The following CTNND2 variants were observed in gnomAD, a reference collection of about 807,000 sequenced individuals.
CTNND2 encodes catenin delta-2.
CTNND2 carries 22 observed loss-of-function variants against 144.4 expected under a neutral mutation model. The ratio of observed to expected loss-of-function variants is 0.15; its 90% CI spans 0.11 to 0.22. The LOEUF (loss-of-function observed/expected upper bound fraction) is 0.22. Ranked by LOEUF, CTNND2 falls within the 10% of genes least tolerant of loss-of-function variation. The pLI is 1.00. For synonymous variants in CTNND2, 751 were observed against 695.6 expected (o/e 1.08, Z -1.25); for missense variants, 1,353 against 1,618.8 (o/e 0.84, Z 2.82).
At chr5:11,050,677 G>T (rs1213386258) in intron 16 of CTNND2, among the ~76,000 whole-genome samples, 1 of 152,170 alleles carries the variant, frequency 6.6e-6, no homozygotes, top group Non-Finnish European at 1.5e-5. Flanking sequence ...CCTGTAATAA[G>T]CAACTCAGGA....
chr5:11,469,084 G>C (rs1301009716), intron 3 of CTNND2, among the ~76,000 whole-genome samples: 1 of 152,152 alleles, frequency 6.6e-6, no homozygotes, highest in Non-Finnish European at 1.5e-5. Context: ...TTGCTCTGCT[G>C]ATCTCAAACA....
rs371017817 is a variant in CTNND2 at position 11,407,105 on chromosome 5, T to C, written c.439+4431A>G. 2.4e-4 allele frequency among the ~76,000 whole-genome samples: 37 copies of C among 152,340 alleles called. 3 individuals are homozygous for C. Among genetic ancestry groups the C allele is most frequent in the Admixed American group, 1.6e-3 (24 of 15,304 alleles). On this transcript the variant is annotated intron_variant, in intron 5 of 21. Coordinates refer to ENST00000304623, the MANE Select transcript of CTNND2 (RefSeq NM_001332.4). Reference sequence around the variant, plus strand: ...AATCACCTTTATTTCTGAGTTTGTATATAAAAGGATGCATAGATTAAAGAA... The same window carrying C: ...AATCACCTTTATTTCTGAGTTTGTACATAAAAGGATGCATAGATTAAAGAA...
At chr5:11,646,707 A>G (rs184522195) in intron 2 of CTNND2, among the ~76,000 whole-genome samples, 10 of 152,328 alleles carry the variant, frequency 6.6e-5, no homozygotes, top group Admixed American at 1.3e-4. Context: ...CCTATCTGCT[A>G]AGGCAGAAGC....
At chr5:11,250,580 G>T (rs1377747150) in intron 9 of CTNND2, among the ~76,000 whole-genome samples, 1 of 147,082 alleles carries the variant, frequency 6.8e-6, no homozygotes, top group Admixed American at 6.9e-5. Context: ...TGTGGTGGTG[G>T]ATCGTAGCTC....
intron 16 of CTNND2, among the ~76,000 whole-genome samples, chr5:11,034,906 T>C (rs1163215362): frequency 6.6e-6 from 1 of 152,082 alleles, no homozygotes; most frequent in African/African-American, 2.4e-5. Flanking sequence ...AGTTTTAGGG[T>C]ACATGTGCAC....
At chr5:11,584,118 G>A (rs527504785) in intron 2 of CTNND2, among the ~76,000 whole-genome samples, 95 of 152,288 alleles carry the variant, frequency 6.2e-4, no homozygotes, top group Admixed American at 1.4e-3. Context: ...CATTAATGCT[G>A]ATGAAAATTA....
At chr5:11,484,840 G>A (rs549271816) in intron 3 of CTNND2, among the ~76,000 whole-genome samples, 7 of 152,292 alleles carry the variant, frequency 4.6e-5, no homozygotes, top group Admixed American at 1.3e-4. Flanking sequence ...TTGTGCTGGA[G>A]GAATGCTCAT....
intron 2 of CTNND2, among the ~76,000 whole-genome samples, chr5:11,729,182 T>C (rs1397060333): frequency 7.2e-6 from 1 of 138,526 alleles, no homozygotes; most frequent in East Asian, 2.2e-4. Flanking sequence ...AAATTACTTA[T>C]GTGCCACCAA....
intron 1 of CTNND2, among the ~76,000 whole-genome samples, chr5:11,766,298 A>G (rs1012744014): frequency 6.6e-6 from 1 of 152,150 alleles, no homozygotes; most frequent in Non-Finnish European, 1.5e-5. Flanking sequence ...TTGATGTTCA[A>G]ATGGGTGGTG....
chr5:11,653,755 GTT>G (rs1418439878), intron 2 of CTNND2, among the ~76,000 whole-genome samples: 1 of 143,576 alleles, frequency 7.0e-6, no homozygotes. Flanking sequence ...GGCTTGTTTG[GTT>G]TTTTTTTTTC....
intron 6 of CTNND2, among the ~76,000 whole-genome samples, chr5:11,396,795 C>T (rs935705130): frequency 4.6e-5 from 7 of 152,100 alleles, no homozygotes; most frequent in Non-Finnish European, 8.8e-5. Flanking sequence ...ACAGGTATAG[C>T]GTGAACAATA....
Position 11,732,213 on chromosome 5 carries a change from G to T in CTNND2, c.97C>A (p.Pro33Thr), listed in dbSNP as rs893818324. 1 of 1,613,828 alleles carries T rather than the reference G, an allele frequency of 6.2e-7. No individual in the cohort carries two copies. Among genetic ancestry groups the T allele is most frequent in the Non-Finnish European group, 8.5e-7 (1 of 1,179,890 alleles). The change falls in exon 2 of 22, where the codon CCC (proline) becomes ACC (threonine). Residue 33 changes from proline (P) to threonine (T), a missense_variant. Physicochemically the swap from Pro to Thr is conservative, Grantham distance 38 (BLOSUM62 -1). This residue lies in a region of CTNND2 where 708 missense variants were observed against 706.4 expected (regional missense o/e 1.00). Coordinates refer to ENST00000304623, the MANE Select transcript of CTNND2 (RefSeq NM_001332.4). ...SASEKTSSLS[P>T]GLNTSNGDGS... ...TCCCCGTTGGAGGTGTTTAAGCCGG[G>T]GCTCAGGGAACTCGTCTTCTCTGAG... is the stretch of plus-strand genomic sequence containing the variant.
chr5:11,055,701 T>C (rs1333824647), intron 16 of CTNND2, among the ~76,000 whole-genome samples: 6 of 152,204 alleles, frequency 3.9e-5, no homozygotes, highest in African/African-American at 4.8e-5. Flanking sequence ...TGCTGGGGCA[T>C]GTGCTATCTA....
At chr5:11,513,941 C>G (rs1298338245) in intron 3 of CTNND2, among the ~76,000 whole-genome samples, 1 of 152,066 alleles carries the variant, frequency 6.6e-6, no homozygotes, top group African/African-American at 2.4e-5. Flanking sequence ...AATTCCATTT[C>G]TATATATTTA....
intron 3 of CTNND2, among the ~76,000 whole-genome samples, chr5:11,494,486 GAAATA>G (rs1269163011): frequency 2.0e-5 from 3 of 152,028 alleles, no homozygotes; most frequent in African/African-American, 7.2e-5. Flanking sequence ...AAAAAAATTT[GAAATA>G]AAATAAATAC....
intron 17 of CTNND2, 79 bp from the exon 18 acceptor site, chr5:11,018,137 A>C (rs1203799732): frequency 1.1e-6 from 1 of 916,972 alleles, no homozygotes; most frequent in Non-Finnish European, 1.8e-6. Context: ...TAGTATTTCA[A>C]ACCTCTTCAT....
chr5:11,353,960 T>C (rs1189593157), intron 8 of CTNND2, among the ~76,000 whole-genome samples: 1 of 152,126 alleles, frequency 6.6e-6, no homozygotes, highest in East Asian at 1.9e-4. Flanking sequence ...GGGTGGAGAA[T>C]GCTAATGTAT....
chr5:11,123,364 G>A (rs1334626345), intron 12 of CTNND2, among the ~76,000 whole-genome samples: 1 of 152,178 alleles, frequency 6.6e-6, no homozygotes, highest in East Asian at 1.9e-4. Flanking sequence ...TTCCTAACTA[G>A]GATGACTGTG....
intron 2 of CTNND2, among the ~76,000 whole-genome samples, chr5:11,729,765 CA>C (rs1208090512): frequency 6.6e-6 from 1 of 151,922 alleles, no homozygotes; most frequent in African/African-American, 2.4e-5. Context: ...ATCATTTTAC[CA>C]AAAAATTATA....
Sources: allele counts gnomAD v4.1 joint callset (sites outside exome capture counted in the v4.1 genomes callset), GRCh38; gene constraint gnomAD v4.1.1; regional missense constraint gnomAD v4.1.1; transcripts MANE v1.5; gene names NCBI Gene and HGNC (gene_info 2026-07-23, HGNC 2026-07-21).